Variants in ZNF804A observed in about 807,000 individuals in gnomAD.
ZNF804A encodes the protein zinc finger protein 804A.
A neutral mutation model predicts 16.5 loss-of-function variants in ZNF804A; 2 were observed. That is an observed-to-expected ratio of 0.12 (90% CI 0.05 to 0.38). The LOEUF (loss-of-function observed/expected upper bound fraction) is 0.38, where lower values mean the gene tolerates loss of function less well. Ranked by LOEUF, ZNF804A falls within the 10% of genes least tolerant of loss-of-function variation. ZNF804A has a pLI of 0.99. For synonymous variants in ZNF804A, 534 were observed against 489.6 expected, an observed-to-expected ratio of 1.09 and a Z score of -1.20; for missense variants, 1,473 against 1,390.7, an observed-to-expected ratio of 1.06 and a Z score of -0.94.
chr2:184,619,693 G>A (rs935679430), intron 1 of ZNF804A, among the ~76,000 whole-genome samples: 5 of 151,852 alleles, frequency 3.3e-5, no homozygotes, highest in African/African-American at 1.2e-4. Context: ...CTAGCCAGAA[G>A]TTATACATGC....
chr2:184,640,932 T>C (rs1285335380), intron 1 of ZNF804A, among the ~76,000 whole-genome samples: 1 of 152,116 alleles, frequency 6.6e-6, no homozygotes, highest in East Asian at 1.9e-4. Context: ...TGCCCAATCT[T>C]TCCACTTATC....
intron 1 of ZNF804A, among the ~76,000 whole-genome samples, chr2:184,618,306 A>C (rs2105677618): frequency 6.6e-6 from 1 of 152,256 alleles, no homozygotes; most frequent in Middle Eastern, 3.4e-3. Context: ...CCTATTTATT[A>C]ACTTACCAAA....
At chr2:184,852,558 T>C (rs913773707) in intron 1 of ZNF804A, among the ~76,000 whole-genome samples, 1 of 151,550 alleles carries the variant, frequency 6.6e-6, no homozygotes. Context: ...CGGCTTTTTT[T>C]GTTTTTAGCA....
intron 1 of ZNF804A, among the ~76,000 whole-genome samples, chr2:184,613,707 C>T (rs966477257): frequency 2.6e-5 from 4 of 152,030 alleles, no homozygotes; most frequent in African/African-American, 9.7e-5. Flanking sequence ...GAATAAAATA[C>T]CTAGGAATAC....
intron 1 of ZNF804A, among the ~76,000 whole-genome samples, chr2:184,641,104 G>T (rs986730676): frequency 6.6e-6 from 1 of 152,048 alleles, no homozygotes; most frequent in African/African-American, 2.4e-5. Flanking sequence ...ACAGGAGCCG[G>T]CCACTATGAC....
intron 2 of ZNF804A, among the ~76,000 whole-genome samples, chr2:184,927,826 G>A (rs760385167): frequency 1.1e-4 from 16 of 152,104 alleles, no homozygotes; most frequent in Admixed American, 3.9e-4. Context: ...AAAGCTCTTC[G>A]TTCAGTTTGT....
chr2:184,614,190 T>G (rs1244967420), intron 1 of ZNF804A, among the ~76,000 whole-genome samples: 1 of 152,154 alleles, frequency 6.6e-6, no homozygotes, highest in African/African-American at 2.4e-5. Flanking sequence ...GGGGAAAGGA[T>G]TCCCAATTTA....
At chr2:184,810,403 T>C (rs986510942) in intron 1 of ZNF804A, among the ~76,000 whole-genome samples, 1 of 152,058 alleles carries the variant, frequency 6.6e-6, no homozygotes, top group Non-Finnish European at 1.5e-5. Flanking sequence ...CTTATTTTTT[T>C]AGATTTACCC....
intron 1 of ZNF804A, among the ~76,000 whole-genome samples, chr2:184,725,089 GC>G (rs1365224070): frequency 6.6e-6 from 1 of 151,620 alleles, no homozygotes; most frequent in African/African-American, 2.4e-5. Context: ...ACAGTGATTA[GC>G]TACTAGGACT....
intron 1 of ZNF804A, among the ~76,000 whole-genome samples, chr2:184,842,864 T>C (rs1695458365): frequency 6.6e-6 from 1 of 152,138 alleles, no homozygotes; most frequent in South Asian, 2.1e-4. Context: ...ACTGTAAATA[T>C]AGTTTCTAGA....
In ZNF804A at chr2:184,937,093, G is replaced by A. The variant is rs1352486254; in HGVS notation, c.1697G>A (p.Ser566Asn). Residue 566 changes from serine (S) to asparagine (N), a missense_variant, in exon 4 of 4, where the codon AGT (serine) becomes AAT (asparagine). Physicochemically the swap from Ser to Asn is conservative, Grantham distance 46 (BLOSUM62 1). Transcript: ENST00000302277. Reference sequence around the variant, plus strand: ...ACAGAAAAGTATAATTTTACTAAAAGTCAAATAAAACAGGACACTCTAGAT... The same window carrying A: ...ACAGAAAAGTATAATTTTACTAAAAATCAAATAAAACAGGACACTCTAGAT... ...RETEKYNFTK[S>N]QIKQDTLDEK... 1.2e-6 allele frequency: 2 copies of A among 1,605,172 alleles called. No homozygotes were observed. The highest frequency in any genetic ancestry group is 1.7e-5 in the Admixed American group (1 of 57,374).
intron 1 of ZNF804A, among the ~76,000 whole-genome samples, chr2:184,689,476 T>C (rs1250308359): frequency 6.6e-6 from 1 of 152,056 alleles, no homozygotes; most frequent in African/African-American, 2.4e-5. Flanking sequence ...CCAGAATAAC[T>C]AGATTTGCCT....
At chr2:184,794,812 G>A (rs1401825561) in intron 1 of ZNF804A, among the ~76,000 whole-genome samples, 1 of 151,478 alleles carries the variant, frequency 6.6e-6, no homozygotes, top group Non-Finnish European at 1.5e-5. Flanking sequence ...GGTGGAAAAA[G>A]AAATTCCATT....
chr2:184,860,895 G>C (rs567990918), intron 1 of ZNF804A, among the ~76,000 whole-genome samples: 1 of 152,352 alleles, frequency 6.6e-6, no homozygotes, highest in African/African-American at 2.4e-5. Flanking sequence ...TTGGGTCTCT[G>C]GGGTTGGCCT....
At chr2:184,710,797 A>G (rs762220014) in intron 1 of ZNF804A, among the ~76,000 whole-genome samples, 4 of 151,810 alleles carry the variant, frequency 2.6e-5, no homozygotes, top group Admixed American at 6.6e-5. Context: ...TTCACTTAAC[A>G]TAGTCCCTCC....
At chr2:184,795,544 C>A (rs1248909731) in intron 1 of ZNF804A, among the ~76,000 whole-genome samples, 1 of 151,790 alleles carries the variant, frequency 6.6e-6, no homozygotes, top group Non-Finnish European at 1.5e-5. Context: ...AAACCCAAAC[C>A]CAGCAGAAGA....
chr2:184,659,414 A>G (rs758678571), intron 1 of ZNF804A, among the ~76,000 whole-genome samples: 1 of 152,140 alleles, frequency 6.6e-6, no homozygotes, highest in Admixed American at 6.5e-5. Flanking sequence ...GATACTTTAT[A>G]TGCACATTTT....
chr2:184,813,614 CAGAAATTTA>C (rs1248073778), intron 1 of ZNF804A, among the ~76,000 whole-genome samples: 1 of 151,884 alleles, frequency 6.6e-6, no homozygotes, highest in Non-Finnish European at 1.5e-5. Flanking sequence ...AGAAATTTAG[CAGAAATTTA>C]AGAAGTGAAT....
chr2:184,693,896 A>G (rs901059999), intron 1 of ZNF804A, among the ~76,000 whole-genome samples: 1 of 145,566 alleles, frequency 6.9e-6, no homozygotes, highest in Non-Finnish European at 1.5e-5. Context: ...TTCTAAGAAT[A>G]AAAAAAAAAA....
Sources: allele counts gnomAD v4.1 joint callset (sites outside exome capture counted in the v4.1 genomes callset), GRCh38; gene constraint gnomAD v4.1.1; transcripts MANE v1.5; gene names NCBI Gene and HGNC (gene_info 2026-07-23, HGNC 2026-07-21).